The following FRY variants were observed in gnomAD, a reference collection of about 807,000 sequenced individuals.
FRY encodes the protein FRY microtubule binding protein.
FRY carries 128 observed loss-of-function variants against 348.4 expected under a neutral mutation model. That is an observed-to-expected ratio of 0.37 (90% CI 0.32 to 0.43). The LOEUF is 0.43. Ranked by LOEUF, FRY falls within the 20% of genes least tolerant of loss-of-function variation. The pLI is 1.00. For missense variants in FRY, 2,736 were observed against 3,695.2 expected (o/e 0.74, Z 6.73); for synonymous variants, 1,370 against 1,374.7 (o/e 1.00, Z 0.08).
chr13:32,192,381 C>G (rs1227736601), intron 28 of FRY, among the ~76,000 whole-genome samples: 1 of 152,122 alleles, frequency 6.6e-6, no homozygotes, highest in African/African-American at 2.4e-5. Context: ...GGCGCGATCT[C>G]GGCTCACTGC....
At chr13:32,170,472 C>T (rs922066440) in intron 17 of FRY, among the ~76,000 whole-genome samples, 1 of 152,104 alleles carries the variant, frequency 6.6e-6, no homozygotes, top group Non-Finnish European at 1.5e-5. Context: ...AACGCTATAT[C>T]GGAAAACTCT....
intron 1 of FRY, among the ~76,000 whole-genome samples, chr13:32,076,004 G>C (rs997229838): frequency 6.6e-6 from 1 of 152,182 alleles, no homozygotes; most frequent in Non-Finnish European, 1.5e-5. Context: ...TGGCTTTGAA[G>C]TTCAGGTGAA....
chr13:32,263,817 G>A lies in FRY; in HGVS notation c.7779+1342G>A, dbSNP rs565071345. Reference sequence around the variant, plus strand: ...AGGTCAGGAGTTCAAGACCAGCCTGGCCAAGATGGTGAAACCCTGTCTCTA... The same window carrying A: ...AGGTCAGGAGTTCAAGACCAGCCTGACCAAGATGGTGAAACCCTGTCTCTA... On this transcript the variant is annotated intron_variant, in intron 53 of 60. Transcript: ENST00000542859. Among the ~76,000 whole-genome samples, 56 of 152,266 alleles carry A rather than the reference G, an allele frequency of 3.7e-4. 1 individual carries two copies. The Middle Eastern group carries it at 0.014, about 37-fold the overall frequency.
intron 49 of FRY, among the ~76,000 whole-genome samples, chr13:32,251,013 T>C (rs540630257): frequency 6.6e-6 from 1 of 152,294 alleles, no homozygotes; most frequent in South Asian, 2.1e-4. Context: ...GTCCCCTCTA[T>C]AATTTGGAAA....
chr13:32,293,437 G>A (rs1270780471), intron 59 of FRY, among the ~76,000 whole-genome samples: 1 of 152,120 alleles, frequency 6.6e-6, no homozygotes, highest in Non-Finnish European at 1.5e-5. Flanking sequence ...GTTTTTTATT[G>A]TTTGTACCGT....
chr13:32,170,097 T>A (rs927841316), intron 17 of FRY, among the ~76,000 whole-genome samples: 4 of 152,142 alleles, frequency 2.6e-5, no homozygotes, highest in Non-Finnish European at 4.4e-5. Context: ...TGTCCAGACA[T>A]TGCCAGATAT....
intron 1 of FRY, among the ~76,000 whole-genome samples, chr13:32,046,034 G>A (rs866257965): frequency 6.6e-6 from 1 of 152,076 alleles, no homozygotes; most frequent in Non-Finnish European, 1.5e-5. Context: ...AGTGTCCCTC[G>A]TACACAAAAC....
chr13:32,251,147 T>G (rs1887058821), intron 49 of FRY, among the ~76,000 whole-genome samples: 1 of 152,136 alleles, frequency 6.6e-6, no homozygotes, highest in African/African-American at 2.4e-5. Flanking sequence ...TTAAAGAGAT[T>G]AGGAAGATTG....
chr13:32,057,611 A>T (rs1292937696), intron 1 of FRY, among the ~76,000 whole-genome samples: 1 of 152,192 alleles, frequency 6.6e-6, no homozygotes, highest in East Asian at 1.9e-4. Context: ...TTCCTTGCAG[A>T]TTCTAAGCCC....
At chr13:32,151,163 T>G (rs1373461885) in intron 14 of FRY, among the ~76,000 whole-genome samples, 1 of 152,240 alleles carries the variant, frequency 6.6e-6, no homozygotes, top group Non-Finnish European at 1.5e-5. Context: ...ATTACTTGTC[T>G]AAAAAGGACA....
At chr13:32,083,719 A>G (rs1875653497) in intron 2 of FRY, among the ~76,000 whole-genome samples, 1 of 152,112 alleles carries the variant, frequency 6.6e-6, no homozygotes. Context: ...CTTGGATGTG[A>G]ATTTTTTTTT....
chr13:32,216,612 C>A (rs544375809), intron 35 of FRY, among the ~76,000 whole-genome samples: 1 of 152,234 alleles, frequency 6.6e-6, no homozygotes, highest in Non-Finnish European at 1.5e-5. Context: ...GCCATTTTTT[C>A]ATCACCCTGC....
At chr13:32,212,149 G>T (rs375890848) in intron 34 of FRY, 143 bp from the exon 35 acceptor site, 2 of 651,210 alleles carry the variant, frequency 3.1e-6, no homozygotes, top group African/African-American at 3.6e-5. Context: ...TGTTTAGAAT[G>T]TCTGAGATTG....
rs1227781344 is a variant in FRY at position 32,225,883 on chromosome 13, C to T, written c.5115C>T (p.Ser1705=). The change falls in exon 39 of 61, where the codon TCC becomes TCT. Residue 1705 remains serine, a synonymous_variant. Transcript: ENST00000542859. ...IALSCNSNFH[S]IASVLLQTRE... is the part of the protein sequence containing the mutation. The stretch of plus-strand genomic sequence containing the variant: ...TCTCTTGCAACAGCAATTTCCATTC[C>T]ATTGCTTCCGTGCTCCTGCAGACCC... 7.4e-6 allele frequency: 12 copies of T among 1,613,462 alleles called. No homozygotes were observed. The highest frequency in any genetic ancestry group is 8.5e-6 in the Non-Finnish European group (10 of 1,179,492).
intron 42 of FRY, among the ~76,000 whole-genome samples, chr13:32,235,414 A>G (rs554268597): frequency 5.0e-4 from 76 of 152,240 alleles, no homozygotes; most frequent in Non-Finnish European, 9.8e-4. Context: ...ACTTGAGGCC[A>G]GGAGTTCAAG....
At chr13:32,194,033 GTCTT>G in intron 28 of FRY, 106 bp from the exon 29 acceptor site, 3 of 1,107,762 alleles carry the variant, frequency 2.7e-6, no homozygotes, top group Non-Finnish European at 4.1e-6. Flanking sequence ...TGAAAGCTCG[GTCTT>G]CCCTTTCATT....
At chr13:32,238,255 C>A (rs1386295572) in intron 44 of FRY, among the ~76,000 whole-genome samples, 3 of 151,974 alleles carry the variant, frequency 2.0e-5, no homozygotes, top group Non-Finnish European at 2.9e-5. Flanking sequence ...GATCAAACTG[C>A]AGGTGCTGTT....
chr13:32,083,550 G>A (rs750975634), intron 2 of FRY, among the ~76,000 whole-genome samples: 4 of 152,074 alleles, frequency 2.6e-5, no homozygotes, highest in East Asian at 1.9e-4. Context: ...TTGCATCCAC[G>A]GTTGTGGGAG....
intron 2 of FRY, among the ~76,000 whole-genome samples, chr13:32,094,240 T>G (rs1196212592): frequency 6.6e-6 from 1 of 152,104 alleles, no homozygotes; most frequent in Non-Finnish European, 1.5e-5. Context: ...TGTGGGTACA[T>G]AGTAGGTGTA....
Sources: gnomAD v4.1 joint callset for allele counts (sites outside exome capture counted in the v4.1 genomes callset) on GRCh38, gnomAD v4.1.1 for gene constraint, MANE v1.5 for transcripts, NCBI Gene and HGNC (gene_info 2026-07-23, HGNC 2026-07-21) for gene names.